ZBTB20: variants seen among roughly 807,000 people sequenced by gnomAD.
ZBTB20 encodes zinc finger and BTB domain-containing protein 20.
A neutral mutation model predicts 56.9 loss-of-function variants in ZBTB20; 9 were observed. That is an observed-to-expected ratio of 0.16 (90% CI 0.10 to 0.28). ZBTB20 has a LOEUF of 0.28. ZBTB20 is among the 10% of genes least tolerant of loss of function. The pLI is 1.00. For synonymous variants in ZBTB20, 417 were observed against 420.7 expected, an observed-to-expected ratio of 0.99 and a Z score of 0.11; for missense variants, 655 against 1,003.0, an observed-to-expected ratio of 0.65 and a Z score of 4.69.
At chr3:114,750,323 G>A (rs951505085) in intron 5 of ZBTB20, among the ~76,000 whole-genome samples, 1 of 152,170 alleles carries the variant, frequency 6.6e-6, no homozygotes. Flanking sequence ...TTTAAACACT[G>A]AGGAGAAATG....
chr3:114,597,745 T>C (rs969186640), intron 6 of ZBTB20, among the ~76,000 whole-genome samples: 17 of 152,168 alleles, frequency 1.1e-4, no homozygotes, highest in Non-Finnish European at 2.2e-4. Context: ...TTTTTCTACA[T>C]CTGGCTCTCT....
chr3:114,625,077 G>T (rs922759760), intron 6 of ZBTB20: 1 of 152,920 alleles, frequency 6.5e-6, no homozygotes, highest in Admixed American at 6.5e-5. Context: ...AATAGCAGGG[G>T]GGTTTAGGTC....
intron 5 of ZBTB20, among the ~76,000 whole-genome samples, chr3:114,726,424 C>T (rs1005516448): frequency 1.1e-4 from 16 of 152,142 alleles, no homozygotes; most frequent in African/African-American, 3.6e-4. Flanking sequence ...AATTCAATAT[C>T]TCTTTAGATC....
intron 2 of ZBTB20, among the ~76,000 whole-genome samples, chr3:115,025,420 T>A (rs574034530): frequency 6.6e-6 from 1 of 151,348 alleles, no homozygotes; most frequent in Non-Finnish European, 1.5e-5. Flanking sequence ...CACATGCATG[T>A]GTCTTTATAA....
At chr3:114,878,736 AAG>A (rs1410707235) in intron 4 of ZBTB20, among the ~76,000 whole-genome samples, 1 of 152,178 alleles carries the variant, frequency 6.6e-6, no homozygotes, top group Non-Finnish European at 1.5e-5. Context: ...AGCAATCTTG[AAG>A]AGGTTTGTTC....
intron 7 of ZBTB20, among the ~76,000 whole-genome samples, chr3:114,429,357 T>G (rs2089951855): frequency 6.6e-6 from 1 of 152,224 alleles, no homozygotes. Flanking sequence ...AAACTCTGCA[T>G]TATATTTTAG....
At chr3:114,556,997 G>A (rs1029326584) in intron 6 of ZBTB20, among the ~76,000 whole-genome samples, 7 of 152,016 alleles carry the variant, frequency 4.6e-5, no homozygotes, top group Non-Finnish European at 8.8e-5. Flanking sequence ...ATACAAAGGG[G>A]CACTGTGTCT....
chr3:114,728,457 A>G (rs777714113), intron 5 of ZBTB20, among the ~76,000 whole-genome samples: 3 of 152,220 alleles, frequency 2.0e-5, no homozygotes, highest in South Asian at 2.1e-4. Flanking sequence ...AAAGTTTTAC[A>G]TAACATGGAT....
intron 3 of ZBTB20, among the ~76,000 whole-genome samples, chr3:114,932,843 C>T (rs968101363): frequency 7.2e-5 from 11 of 152,158 alleles, no homozygotes; most frequent in African/African-American, 2.7e-4. Context: ...TTTGTTTCCC[C>T]CACTCTTGAA....
chr3:114,773,134 A>G (rs763092254), intron 5 of ZBTB20, among the ~76,000 whole-genome samples: 1 of 152,202 alleles, frequency 6.6e-6, no homozygotes, highest in Non-Finnish European at 1.5e-5. Context: ...GAGGAACTGA[A>G]TAAGCATGAA....
chr3:114,779,812 T>C (rs2069931232), intron 5 of ZBTB20, among the ~76,000 whole-genome samples: 1 of 152,164 alleles, frequency 6.6e-6, no homozygotes, highest in Non-Finnish European at 1.5e-5. Context: ...TTGTCTCTAG[T>C]TTCTTAGTCA....
At chr3:114,770,011 A>C (rs57441860) in intron 5 of ZBTB20, among the ~76,000 whole-genome samples, 5,206 of 151,624 alleles carry the variant, frequency 0.034, 142 homozygotes, top group African/African-American at 0.07. Context: ...GTGAGCTGAG[A>C]TCATGACACT....
At chr3:114,675,310 C>T (rs907431412) in intron 6 of ZBTB20, among the ~76,000 whole-genome samples, 35 of 124,650 alleles carry the variant, frequency 2.8e-4, no homozygotes, top group Non-Finnish European at 7.8e-5. Flanking sequence ...ATATTTTTCT[C>T]ATGGATAAGG....
At chr3:114,825,604 C>G (rs1356891199) in intron 4 of ZBTB20, among the ~76,000 whole-genome samples, 1 of 151,814 alleles carries the variant, frequency 6.6e-6, no homozygotes, top group Admixed American at 6.6e-5. Flanking sequence ...TTAAGAGTTT[C>G]GGTGTGAGCT....
chr3:115,128,798 T>C (rs1174630703), intron 1 of ZBTB20, among the ~76,000 whole-genome samples: 2 of 150,662 alleles, frequency 1.3e-5, no homozygotes, highest in Admixed American at 6.6e-5. Context: ...AGACTGTTGT[T>C]CCTTTTAAGA....
intron 2 of ZBTB20, among the ~76,000 whole-genome samples, chr3:114,979,037 G>T (rs1056599622): frequency 6.6e-6 from 1 of 151,848 alleles, no homozygotes; most frequent in African/African-American, 2.4e-5. Context: ...GTATCGTGAG[G>T]AAGGGAAGAG....
intron 6 of ZBTB20, among the ~76,000 whole-genome samples, chr3:114,513,067 T>C (rs992879025): frequency 5.3e-5 from 8 of 152,186 alleles, no homozygotes; most frequent in Non-Finnish European, 1.0e-4. Context: ...GTGGACATGG[T>C]AAAAAGAACA....
chr3:114,657,493 G>GAA, intron 6 of ZBTB20, among the ~76,000 whole-genome samples: 1 of 152,174 alleles, frequency 6.6e-6, no homozygotes, highest in African/African-American at 2.4e-5. Flanking sequence ...TACATGCACA[G>GAA]TTTATATCAG....
intron 6 of ZBTB20, among the ~76,000 whole-genome samples, chr3:114,544,421 CTTTCT>C (rs2049512034): frequency 2.3e-5 from 1 of 43,494 alleles, no homozygotes; most frequent in African/African-American, 1.4e-4. Flanking sequence ...TTCTTTCTTT[CTTTCT>C]TTCTTTCTTT....
Sources: allele counts gnomAD v4.1 joint callset (sites outside exome capture counted in the v4.1 genomes callset), GRCh38; gene constraint gnomAD v4.1.1; transcripts MANE v1.5; gene names NCBI Gene and HGNC (gene_info 2026-07-23, HGNC 2026-07-21).